The following STX1A variants were observed in gnomAD, a reference collection of about 807,000 sequenced individuals.
STX1A encodes the protein syntaxin-1A.
A neutral mutation model predicts 37.8 loss-of-function variants in STX1A; 4 were observed. That is an observed-to-expected ratio of 0.11 (90% confidence interval 0.05 to 0.24). The LOEUF is 0.24. Ranked by LOEUF, STX1A falls within the 10% of genes least tolerant of loss-of-function variation. The pLI is 1.00. For synonymous variants in STX1A, 135 were observed against 147.4 expected (o/e 0.92, Z 0.61); for missense variants, 251 against 399.9 (o/e 0.63, Z 3.18).
intron 2 of STX1A, 67 bp from the exon 3 acceptor site, chr7:73,708,755 G>A (rs782116975): frequency 1.3e-6 from 2 of 1,536,130 alleles, no homozygotes; most frequent in Non-Finnish European, 1.8e-6. Flanking sequence ...GCCCAGAGAT[G>A]GCCCAGAGTA....
intron 6 of STX1A, 140 bp from the exon 7 acceptor site, chr7:73,703,968 C>T (rs1798768212): frequency 1.0e-6 from 1 of 998,910 alleles, no homozygotes; most frequent in African/African-American, 1.7e-5. Flanking sequence ...GCCCCCCCGG[C>T]CCTTAACACA....
At position 73,709,094 on chromosome 7, in the gene STX1A, A is replaced by C; in HGVS notation, c.59T>G (p.Val20Gly). ...GCGGTCTCGGTCCACGGTGACAGCG[A>C]CATCATCATCATCATCGCTGTCCTT... is the stretch of plus-strand genomic sequence containing the variant. ...TAKDSDDDDD[V>G]AVTVDRDRFM... is the part of the protein sequence containing the mutation. The change falls in exon 2 of 10, where the codon GTC becomes GGC. Residue 20 changes from valine to glycine, a missense_variant. Coordinates refer to ENST00000222812, the MANE Select transcript of STX1A (RefSeq NM_004603.4). This position sits in a 1 kb window ranked among gnomAD's most constrained non-coding sequence, Gnocchi z 4.2. 6.2e-7 allele frequency: 1 copy of C among 1,613,870 alleles called. No individual in the cohort carries two copies. Among genetic ancestry groups the C allele is most frequent in the Non-Finnish European group, 8.5e-7 (1 of 1,179,974 alleles).
At position 73,699,921 on chromosome 7, in the gene STX1A, T is replaced by C; in HGVS notation, c.*486A>G. On this transcript the variant is annotated 3_prime_UTR_variant, in exon 10 of 10. Transcript: ENST00000222812. ...GTGATCAGCGACTGAGACTCAGAGC[T>C]GGGCTGTCCCTCAGGGCCACCTCTC... is the stretch of plus-strand genomic sequence containing the variant. 1 of 184,574 alleles carries C rather than the reference T, an allele frequency of 5.4e-6. No homozygotes were observed. Among genetic ancestry groups the C allele is most frequent in the South Asian group, 1.1e-4 (1 of 8,752 alleles). The allele number at this position is 184,574 out of a possible 1,614,324, so 11.4% of individuals were successfully genotyped here.
At position 73,702,941 on chromosome 7, in the gene STX1A, C is replaced by T. The variant is rs782556506; in HGVS notation, c.582G>A (p.Glu194=). 6 of 1,613,008 alleles carry T rather than the reference C, an allele frequency of 3.7e-6. No individual in the cohort carries two copies. The South Asian group carries it at 6.6e-5, about 18-fold the overall frequency. Residue 194 remains glutamate, a synonymous_variant, in exon 8 of 10, where the codon GAG becomes GAA. Coordinates refer to ENST00000222812, the MANE Select transcript of STX1A (RefSeq NM_004603.4). The surrounding 1 kb of genome is among the most constrained non-coding windows in gnomAD (Gnocchi z 4.7). The stretch of plus-strand genomic sequence containing the variant: ...TGATCTCACTGTGCCGCGTCTCAAT[C>T]TCGCTCAGAGCCTGCTTCGAGATGC... ...DSSISKQALS[E]IETRHSEIIK... is the part of the protein sequence containing the mutation.
At position 73,705,359 on chromosome 7, in the gene STX1A, GCT is replaced by G. The variant is rs1347815038; in HGVS notation, c.209-137_209-136del. On this transcript the variant is annotated intron_variant, in intron 3 of 9. Coordinates refer to ENST00000222812, the MANE Select transcript of STX1A (RefSeq NM_004603.4). The surrounding 1 kb of genome is among the most constrained non-coding windows in gnomAD (Gnocchi z 5.2). ...GTTCTCCCCTGTTCCCCTGGCTAAGGCTCTGCCTGCCCGCCCCCCTCCCCCAA... is the reference window on the plus strand; with the variant it reads ...GTTCTCCCCTGTTCCCCTGGCTAAGGCTGCCTGCCCGCCCCCCTCCCCCAA... The G allele has an allele frequency of 1.2e-4, 86 of 716,970 alleles. No homozygotes were observed. The highest frequency in any genetic ancestry group is 1.1e-3 in the African/African-American group (65 of 56,850). 44.4% of individuals were successfully genotyped at this position (716,970 alleles called of 1,614,324 possible).
At position 73,704,138 on chromosome 7, in the gene STX1A, C is replaced by A; in HGVS notation, c.466+10G>T. The A allele has an allele frequency of 6.2e-7, 1 of 1,604,624 alleles. No homozygotes were observed. The highest frequency in any genetic ancestry group is 1.1e-5 in the South Asian group (1 of 90,832). On this transcript the variant is annotated intron_variant, in intron 6 of 9. Coordinates refer to ENST00000222812, the MANE Select transcript of STX1A (RefSeq NM_004603.4). ...TCCAGGCCCCGCCCCAGGCCCCACC[C>A]CCAGCTCACTGATCTCCAGCTGCCT...
Position 73,700,705 on chromosome 7 carries a change from C to T in STX1A, c.789+25G>A, listed in dbSNP as rs782278580. On this transcript the variant is annotated intron_variant, in intron 9 of 9. Coordinates refer to ENST00000222812, the MANE Select transcript of STX1A (RefSeq NM_004603.4). This position sits in a 1 kb window ranked among gnomAD's most constrained non-coding sequence, Gnocchi z 4.4. Reference sequence around the variant, plus strand: ...GTCCCTAATGGGTGCTGGGGCATGGCCTTGGGCAGGGCTGGGCTACTGACC... The same window carrying T: ...GTCCCTAATGGGTGCTGGGGCATGGTCTTGGGCAGGGCTGGGCTACTGACC... 28 of 1,612,702 alleles carry T rather than the reference C, an allele frequency of 1.7e-5. No individual in the cohort carries two copies. In the Admixed American group the frequency reaches 4.5e-4, roughly 26 times the overall value.
intron 8 of STX1A, among the ~76,000 whole-genome samples, chr7:73,701,856 G>A (rs1224887067): frequency 1.3e-5 from 2 of 152,196 alleles, no homozygotes; most frequent in Non-Finnish European, 2.9e-5. Flanking sequence ...TTGGGAGGCT[G>A]AGGTGAGAGG....
intron 6 of STX1A, 62 bp downstream of exon 6, chr7:73,704,086 G>A (rs1459501189): frequency 4.0e-6 from 6 of 1,504,980 alleles, no homozygotes; most frequent in Non-Finnish European, 5.4e-6. Context: ...GCACTCAGCA[G>A]CAGACTCGGG....
chr7:73,704,838 G>A (rs782467492), intron 4 of STX1A: 27 of 523,388 alleles, frequency 5.2e-5, no homozygotes, highest in Non-Finnish European at 7.6e-5. Flanking sequence ...CCAGAATACC[G>A]GGCTTCTGCA....
chr7:73,712,247 A>G (rs1181317965), intron 1 of STX1A, among the ~76,000 whole-genome samples: 1 of 151,862 alleles, frequency 6.6e-6, no homozygotes, highest in Non-Finnish European at 1.5e-5. Flanking sequence ...ACGTCCTTCT[A>G]CTTCTTCGTT....
At chr7:73,719,223 G>A (rs1473624391) in intron 1 of STX1A, among the ~76,000 whole-genome samples, 1 of 152,144 alleles carries the variant, frequency 6.6e-6, no homozygotes, top group Non-Finnish European at 1.5e-5. Flanking sequence ...GGCACGGGAG[G>A]TCAGAGATGA....
chr7:73,700,554 G>A lies in STX1A; in HGVS notation c.790-70C>T. Reference sequence around the variant, plus strand: ...CAGGTGGGGTGGGACTATGGCAAAGGCTGAGGACTGGACAGTCGGGGGGGA... The same window carrying A: ...CAGGTGGGGTGGGACTATGGCAAAGACTGAGGACTGGACAGTCGGGGGGGA... On this transcript the variant is annotated intron_variant, in intron 9 of 9. Transcript: ENST00000222812. This position sits in a 1 kb window ranked among gnomAD's most constrained non-coding sequence, Gnocchi z 4.4. 6.4e-7 allele frequency: 1 copy of A among 1,574,678 alleles called. No homozygotes were observed. Among genetic ancestry groups the A allele is most frequent in the Non-Finnish European group, 8.7e-7 (1 of 1,153,898 alleles).
Position 73,708,824 on chromosome 7 carries a change from G to A in STX1A, c.109-136C>T, listed in dbSNP as rs555704566. 6 of 970,808 alleles carry A rather than the reference G, an allele frequency of 6.2e-6. No individual in the cohort carries two copies. In the East Asian group the frequency reaches 1.6e-4, roughly 25 times the overall value. 60.1% of individuals were successfully genotyped at this position (970,808 alleles called of 1,614,324 possible). On this transcript the variant is annotated intron_variant, in intron 2 of 9. Transcript: ENST00000222812. ...CAGGCTCCGGGTGCTGGGGTGCAGT[G>A]GGGGTGCATCCTTCCAGACCCAGAT...
Position 73,709,245 on chromosome 7 carries a change from G to T in STX1A, c.31-123C>A. On this transcript the variant is annotated intron_variant, in intron 1 of 9. Transcript: ENST00000222812. The surrounding 1 kb of genome is among the most constrained non-coding windows in gnomAD (Gnocchi z 4.2). ...CCTCTCCCTGGGGGCCTCTGGGCAG[G>T]GACAAGAACAGGCCTGGCTGTTCCG... 1.0e-6 allele frequency: 1 copy of T among 952,582 alleles called. No individual in the cohort carries two copies. The highest frequency in any genetic ancestry group is 1.6e-6 in the Non-Finnish European group (1 of 621,000). 59.0% of individuals were successfully genotyped at this position (952,582 alleles called of 1,614,324 possible). A position where few individuals can be genotyped will look rare whatever the true frequency, so the allele number is the denominator to read the frequency against.
chr7:73,705,479 C>T lies in STX1A; in HGVS notation c.209-255G>A. The T allele has an allele frequency of 5.9e-6, 3 of 510,226 alleles. No homozygotes were observed. The South Asian group carries it at 7.0e-5, about 12-fold the overall frequency. The allele number at this position is 510,226 out of a possible 1,614,324, so 31.6% of individuals were successfully genotyped here. ...TCCTCCTTTGCTGGCGCCCCCACCC[C>T]CTGGAGATAACAGATGGGTCTAAAT... On this transcript the variant is annotated intron_variant, in intron 3 of 9. Coordinates refer to ENST00000222812, the MANE Select transcript of STX1A (RefSeq NM_004603.4). This position sits in a 1 kb window ranked among gnomAD's most constrained non-coding sequence, Gnocchi z 5.2.
chr7:73,700,898 G>GCTC lies in STX1A; in HGVS notation c.679-61_679-59dup. ...GCCCCCTCCTCAGGGTTGGGTTGGG[G>GCTC]CTCGGGGCAGGACTTCAGGAAAGCA... On this transcript the variant is annotated intron_variant, in intron 8 of 9. Transcript: ENST00000222812. The surrounding 1 kb of genome is among the most constrained non-coding windows in gnomAD (Gnocchi z 4.4). The GCTC allele has an allele frequency of 6.2e-7, 1 of 1,603,204 alleles. No individual in the cohort carries two copies. Among genetic ancestry groups the GCTC allele is most frequent in the South Asian group, 1.1e-5 (1 of 90,756 alleles).
At position 73,702,301 on chromosome 7, in the gene STX1A, ATAG is replaced by A. The variant is rs1554616011; in HGVS notation, c.678+541_678+543del. 6.6e-6 allele frequency among the ~76,000 whole-genome samples: 1 copy of A among 152,166 alleles called. No homozygotes were observed. The highest frequency in any genetic ancestry group is 1.9e-4 in the East Asian group (1 of 5,188). On this transcript the variant is annotated intron_variant, in intron 8 of 9. Coordinates refer to ENST00000222812, the MANE Select transcript of STX1A (RefSeq NM_004603.4). This position sits in a 1 kb window ranked among gnomAD's most constrained non-coding sequence, Gnocchi z 4.7. ...TGTTACTCTGTGTAACTTTGGAACC[ATAG>A]TGGTGGTGGCACCACCTTTGAGCTT...
Position 73,709,969 on chromosome 7 carries a change from C to A in STX1A, c.31-847G>T, listed in dbSNP as rs1046844080. ...CTGGTCTTGAACTCCTGGCCTCAAG[C>A]GATCCTCCTGCCTCAGCCTTCCAAA... On this transcript the variant is annotated intron_variant, in intron 1 of 9. Coordinates refer to ENST00000222812, the MANE Select transcript of STX1A (RefSeq NM_004603.4). This position sits in a 1 kb window ranked among gnomAD's most constrained non-coding sequence, Gnocchi z 4.2. Among the ~76,000 whole-genome samples, 1 of 152,154 alleles carries A rather than the reference C, an allele frequency of 6.6e-6. No homozygotes were observed. Among genetic ancestry groups the A allele is most frequent in the Non-Finnish European group, 1.5e-5 (1 of 68,016 alleles).
Sources: gnomAD v4.1 joint callset for allele counts (sites outside exome capture counted in the v4.1 genomes callset) on GRCh38, gnomAD v4.1.1 for gene constraint, Gnocchi (gnomAD v3.1) non-coding constraint, MANE v1.5 for transcripts, NCBI Gene and HGNC (gene_info 2026-07-23, HGNC 2026-07-21) for gene names.